The following TRAF3IP3 variants were observed in gnomAD, a reference collection of about 807,000 sequenced individuals.
The protein encoded by TRAF3IP3 is TRAF3-interacting JNK-activating modulator.
Under a neutral mutation model 86.5 loss-of-function variants are expected in TRAF3IP3, and 64 were observed. That is an observed-to-expected ratio of 0.74 (90% confidence interval 0.60 to 0.91). The LOEUF (loss-of-function observed/expected upper bound fraction) is 0.91. TRAF3IP3 is among the 40% of genes least tolerant of loss of function. The pLI, the probability that TRAF3IP3 is intolerant of heterozygous loss-of-function variation, is 0.00. For synonymous variants in TRAF3IP3, 220 were observed against 243.9 expected (o/e 0.90, Z 0.91); for missense variants, 579 against 642.9 (o/e 0.90, Z 1.07).
intron 8 of TRAF3IP3, among the ~76,000 whole-genome samples, chr1:209,771,945 G>A (rs1348314746): frequency 1.4e-5 from 2 of 141,844 alleles, no homozygotes; most frequent in Admixed American, 1.4e-4. Flanking sequence ...GCAGGTGTGC[G>A]TGTGCATGTG....
At chr1:209,769,787 G>A (rs189961698) in intron 8 of TRAF3IP3, among the ~76,000 whole-genome samples, 253 of 152,272 alleles carry the variant, frequency 1.7e-3, no homozygotes, top group African/African-American at 5.8e-3. Context: ...ATGGCGTCTC[G>A]GGCCTAAAGA....
intron 15 of TRAF3IP3, 151 bp downstream of exon 15, chr1:209,780,757 C>G: frequency 6.3e-6 from 4 of 631,952 alleles, no homozygotes; most frequent in Non-Finnish European, 9.2e-6. Flanking sequence ...TGCTTTTGGG[C>G]TGACTTGTCA....
intron 8 of TRAF3IP3, among the ~76,000 whole-genome samples, chr1:209,769,221 TG>T (rs2077416662): frequency 7.5e-6 from 1 of 133,970 alleles, no homozygotes; most frequent in South Asian, 2.3e-4. Flanking sequence ...AGAAAGAGTT[TG>T]GGCAAAGGCA....
At chr1:209,772,885 G>C in intron 8 of TRAF3IP3, 63 bp from the exon 9 acceptor site, 1 of 1,399,742 alleles carries the variant, frequency 7.1e-7, no homozygotes, top group Non-Finnish European at 1.0e-6. Flanking sequence ...TAGGAATATA[G>C]AGTCAAACTC....
intron 8 of TRAF3IP3, among the ~76,000 whole-genome samples, chr1:209,766,015 C>T (rs1446285117): frequency 6.6e-6 from 1 of 152,160 alleles, no homozygotes. Flanking sequence ...CATACCGCAC[C>T]GGGTGGAAAG....
At position 209,765,213 on chromosome 1, in the gene TRAF3IP3, G is replaced by GGAA. The variant is rs1558012877; in HGVS notation, c.702+1627_702+1628insAAG. Among the ~76,000 whole-genome samples the GGAA allele has an allele frequency of 4.2e-4, 44 of 105,220 alleles. 3 individuals carry two copies. Among genetic ancestry groups the GGAA allele is most frequent in the African/African-American group, 1.3e-3 (37 of 27,616 alleles). 69.0% of individuals were successfully genotyped at this position (105,220 alleles called of 152,430 possible). ...AGAGAGAGAGAGAGAGAGAGAGAGAGGGAGAGAGAGAGAGAGGAAGGAAGG... is the reference window on the plus strand; with the variant it reads ...AGAGAGAGAGAGAGAGAGAGAGAGAGGAAGGAGAGAGAGAGAGAGGAAGGAAGG... On this transcript the variant is annotated intron_variant, in intron 8 of 16. Coordinates refer to ENST00000367025, the MANE Select transcript of TRAF3IP3 (RefSeq NM_025228.4).
At chr1:209,778,059 G>C in intron 12 of TRAF3IP3, 52 bp from the exon 13 acceptor site, 1 of 1,488,060 alleles carries the variant, frequency 6.7e-7, no homozygotes, top group Non-Finnish European at 9.4e-7. Flanking sequence ...TAAGTACTGA[G>C]TTCATTAAGT....
intron 13 of TRAF3IP3, chr1:209,779,026 T>C (rs546452124): frequency 5.0e-5 from 23 of 461,110 alleles, no homozygotes; most frequent in Non-Finnish European, 8.2e-5. Context: ...CATGAACATA[T>C]CTGTGTCCAT....
At chr1:209,775,806 TCTGGA>T in intron 11 of TRAF3IP3, 70 bp downstream of exon 11, 2 of 1,484,346 alleles carry the variant, frequency 1.3e-6, no homozygotes, top group Admixed American at 2.1e-5. Flanking sequence ...AAGAAGCTGT[TCTGGA>T]TTAGGGACTC....
chr1:209,760,387 G>A lies in TRAF3IP3; in HGVS notation c.345+3G>A. The A allele has an allele frequency of 1.9e-6, 3 of 1,579,076 alleles. No individual in the cohort carries two copies. The highest frequency in any genetic ancestry group is 1.7e-4 in the Middle Eastern group (1 of 5,996). Reference sequence around the variant, plus strand: ...GGATTTCTTCTCCCAGAGAGCAGGTGGGCCGTGTCAAGGGACATACTGCTG... The same window carrying A: ...GGATTTCTTCTCCCAGAGAGCAGGTAGGCCGTGTCAAGGGACATACTGCTG... On this transcript the variant is annotated splice_donor_region_variant and intron_variant, in intron 3 of 16. Transcript: ENST00000367025.
chr1:209,770,675 A>C (rs1329655786), intron 8 of TRAF3IP3, among the ~76,000 whole-genome samples: 2 of 65,252 alleles, frequency 3.1e-5, no homozygotes, highest in African/African-American at 1.2e-4. Flanking sequence ...GTGTGTGCAT[A>C]TGGAGGTGTG....
intron 9 of TRAF3IP3, 94 bp downstream of exon 9, chr1:209,773,113 CA>C (rs1479667548): frequency 9.0e-7 from 1 of 1,114,976 alleles, no homozygotes; most frequent in Non-Finnish European, 1.3e-6. Flanking sequence ...GAAACACCAC[CA>C]GATAGAGAAT....
At chr1:209,777,627 C>A in intron 12 of TRAF3IP3, 140 bp downstream of exon 12, 2 of 890,822 alleles carry the variant, frequency 2.2e-6, no homozygotes, top group Non-Finnish European at 3.3e-6. Flanking sequence ...TCTCATTTTA[C>A]CTTGAGGGAG....
Position 209,761,164 on chromosome 1 carries a change from AC to A in TRAF3IP3, c.345+781del, listed in dbSNP as rs199779952. On this transcript the variant is annotated intron_variant, in intron 3 of 16. Coordinates refer to ENST00000367025, the MANE Select transcript of TRAF3IP3 (RefSeq NM_025228.4). The stretch of plus-strand genomic sequence containing the variant: ...TTTCTTCTGCAAGGCTGTTGTGCCC[AC>A]TCTTCTCACTTCCTCTTGTGTCATT... Among the ~76,000 whole-genome samples, 668 of 152,080 alleles carry A rather than the reference AC, an allele frequency of 4.4e-3. 15 individuals are homozygous for A. The highest frequency in any genetic ancestry group is 2.1e-3 in the Non-Finnish European group (144 of 67,988).
intron 11 of TRAF3IP3, chr1:209,776,564 C>T (rs1057107987): frequency 2.0e-5 from 3 of 151,814 alleles, no homozygotes; most frequent in Non-Finnish European, 4.4e-5. Flanking sequence ...TTGTTTTCTT[C>T]TTCCCATCAC....
chr1:209,761,551 A>T (rs1266549545), intron 3 of TRAF3IP3, among the ~76,000 whole-genome samples: 1 of 151,908 alleles, frequency 6.6e-6, no homozygotes, highest in Non-Finnish European at 1.5e-5. Context: ...TGCTGTTCAG[A>T]GAAATGATCC....
At chr1:209,760,580 C>T (rs749987588) in intron 3 of TRAF3IP3, among the ~76,000 whole-genome samples, 196 bp downstream of exon 3, 22 of 152,164 alleles carry the variant, frequency 1.4e-4, no homozygotes, top group African/African-American at 2.4e-4. Flanking sequence ...GTTGTGTTTT[C>T]GTTTGTTTAG....
intron 1 of TRAF3IP3, among the ~76,000 whole-genome samples, chr1:209,756,986 C>G (rs1283487247): frequency 1.3e-5 from 2 of 152,188 alleles, no homozygotes; most frequent in Non-Finnish European, 2.9e-5. Flanking sequence ...TTCTTTGAAC[C>G]CTACAGGGAC....
chr1:209,769,245 C>G (rs78664232), intron 8 of TRAF3IP3, among the ~76,000 whole-genome samples: 250 of 152,082 alleles, frequency 1.6e-3, no homozygotes, highest in African/African-American at 5.9e-3. Context: ...TGTGTGGAAC[C>G]GAAGATGTGA....
Sources: allele counts gnomAD v4.1 joint callset (sites outside exome capture counted in the v4.1 genomes callset), GRCh38; gene constraint gnomAD v4.1.1; transcripts MANE v1.5; gene names NCBI Gene and HGNC (gene_info 2026-07-23, HGNC 2026-07-21).